Variants in SHISA9 observed in about 807,000 individuals in gnomAD.
SHISA9 encodes the protein shisa family member 9, also known as protein shisa-9.
A neutral mutation model predicts 38.0 loss-of-function variants in SHISA9; 13 were observed. That is an observed-to-expected ratio of 0.34 (90% confidence interval 0.22 to 0.54). The LOEUF (loss-of-function observed/expected upper bound fraction) is 0.54. SHISA9 is among the 20% of genes least tolerant of loss of function. The pLI, the probability that SHISA9 is intolerant of heterozygous loss-of-function variation, is 0.91. For synonymous variants in SHISA9, 275 were observed against 242.0 expected (o/e 1.14, Z -1.27); for missense variants, 538 against 575.8 (o/e 0.93, Z 0.67).
chr16:13,519,047 A>G, the SHISA9 span, among the ~76,000 whole-genome samples: 1 of 152,202 alleles, frequency 6.6e-6, no homozygotes, highest in African/African-American at 2.4e-5. Context: ...AGTTTCCAAT[A>G]TATGCTTTTG....
the SHISA9 span, among the ~76,000 whole-genome samples, chr16:13,394,548 C>T: frequency 6.6e-6 from 1 of 152,162 alleles, no homozygotes; most frequent in Non-Finnish European, 1.5e-5. Context: ...CTTCCTCCAT[C>T]CCTGCCCTAC....
intron 2 of SHISA9, among the ~76,000 whole-genome samples, chr16:13,140,678 A>G (rs967713613): frequency 2.6e-5 from 4 of 152,224 alleles, no homozygotes; most frequent in African/African-American, 9.6e-5. Flanking sequence ...CTGTGTAAAC[A>G]TGTGAATAGA....
chr16:13,272,858 C>T, the SHISA9 span, among the ~76,000 whole-genome samples: 4 of 152,092 alleles, frequency 2.6e-5, no homozygotes, highest in Non-Finnish European at 4.4e-5. Context: ...AGAACTATAC[C>T]TATATTGAAC....
chr16:13,233,828 T>C (rs2051355267), intron 4 of SHISA9, among the ~76,000 whole-genome samples: 1 of 152,052 alleles, frequency 6.6e-6, no homozygotes, highest in Non-Finnish European at 1.5e-5. Context: ...CTGGGCAACA[T>C]GGTGAAACCT....
chr16:13,373,149 G>A, the SHISA9 span, among the ~76,000 whole-genome samples: 2 of 152,022 alleles, frequency 1.3e-5, no homozygotes, highest in African/African-American at 4.8e-5. Context: ...TTTATTAGTT[G>A]CTCCCCTGAC....
At chr16:13,502,746 A>G in the SHISA9 span, among the ~76,000 whole-genome samples, 1 of 152,178 alleles carries the variant, frequency 6.6e-6, no homozygotes, top group Non-Finnish European at 1.5e-5. Flanking sequence ...GCGTGGTGGC[A>G]TGCACCTGTA....
the SHISA9 span, among the ~76,000 whole-genome samples, chr16:13,353,546 G>A: frequency 2.0e-5 from 3 of 151,658 alleles, no homozygotes; most frequent in Non-Finnish European, 4.4e-5. Flanking sequence ...CGGTAAATAG[G>A]AGTATGATTA....
At chr16:12,931,358 C>T (rs2071459195) in intron 2 of SHISA9, among the ~76,000 whole-genome samples, 3 of 152,224 alleles carry the variant, frequency 2.0e-5, no homozygotes, top group South Asian at 2.1e-4. Context: ...TGCTAAGGTC[C>T]GGGGTGCAAA....
chr16:13,033,175 ATTT>A (rs1567189182), intron 2 of SHISA9, among the ~76,000 whole-genome samples: 2 of 152,130 alleles, frequency 1.3e-5, no homozygotes, highest in Non-Finnish European at 2.9e-5. Flanking sequence ...TTATGTTCTT[ATTT>A]CTGAAATCAT....
At position 13,088,857 on chromosome 16, in the gene SHISA9, A is replaced by G. The variant is rs2073742579; in HGVS notation, c.692-114537A>G. 2.0e-5 allele frequency among the ~76,000 whole-genome samples: 3 copies of G among 152,282 alleles called. 1 individual carries two copies. The South Asian group carries it at 6.2e-4, about 32-fold the overall frequency. On this transcript the variant is annotated intron_variant, in intron 2 of 4. Transcript: ENST00000558583. ...AACTTCCAACACTATGTTGAATAGC[A>G]GTGGTGAGAGAGGGCATTCTTGCCT...
At chr16:13,540,984 C>T in the SHISA9 span, among the ~76,000 whole-genome samples, 5 of 152,174 alleles carry the variant, frequency 3.3e-5, no homozygotes, top group African/African-American at 1.2e-4. Context: ...TGGCATCAGT[C>T]ACTTGTGGCT....
chr16:13,375,671 GC>G, the SHISA9 span, among the ~76,000 whole-genome samples: 2 of 151,978 alleles, frequency 1.3e-5, no homozygotes, highest in Non-Finnish European at 2.9e-5. Flanking sequence ...ATTAGCAATA[GC>G]CAAAAAACAA....
intron 2 of SHISA9, among the ~76,000 whole-genome samples, chr16:13,020,843 T>C (rs2072843629): frequency 6.6e-6 from 1 of 152,208 alleles, no homozygotes; most frequent in South Asian, 2.1e-4. Flanking sequence ...AGGGTGTAAA[T>C]TGGATAACCA....
the SHISA9 span, among the ~76,000 whole-genome samples, chr16:13,278,033 T>C: frequency 2.6e-5 from 4 of 152,056 alleles, no homozygotes; most frequent in South Asian, 8.3e-4. Flanking sequence ...CCTCATTCAG[T>C]GTTATGTTGG....
At chr16:13,495,469 A>C in the SHISA9 span, among the ~76,000 whole-genome samples, 1 of 152,176 alleles carries the variant, frequency 6.6e-6, no homozygotes, top group East Asian at 1.9e-4. Context: ...TAAAGAAAGA[A>C]ATCCAAATTT....
At chr16:13,423,023 A>G in the SHISA9 span, among the ~76,000 whole-genome samples, 1 of 152,236 alleles carries the variant, frequency 6.6e-6, no homozygotes, top group Non-Finnish European at 1.5e-5. Context: ...AATCAGGTGC[A>G]TGGTCTTGCA....
At chr16:13,346,348 C>A in the SHISA9 span, among the ~76,000 whole-genome samples, 4 of 152,178 alleles carry the variant, frequency 2.6e-5, no homozygotes, top group African/African-American at 9.6e-5. Flanking sequence ...CTTTATAGAG[C>A]ACCTGATGGT....
chr16:13,317,002 A>T, the SHISA9 span, among the ~76,000 whole-genome samples: 1 of 152,328 alleles, frequency 6.6e-6, no homozygotes, highest in African/African-American at 2.4e-5. Context: ...CCCTTTCCTC[A>T]GCTGAACTTC....
chr16:13,291,637 T>G, the SHISA9 span, among the ~76,000 whole-genome samples: 1 of 152,210 alleles, frequency 6.6e-6, no homozygotes, highest in Non-Finnish European at 1.5e-5. Context: ...TATGTTCTAG[T>G]TCATGTTTTA....
Sources: allele counts gnomAD v4.1 joint callset (sites outside exome capture counted in the v4.1 genomes callset), GRCh38; gene constraint gnomAD v4.1.1; transcripts MANE v1.5; gene names NCBI Gene and HGNC (gene_info 2026-07-23, HGNC 2026-07-21).